Variants in ITFG1 observed in about 807,000 individuals in gnomAD.
ITFG1 encodes integrin alpha FG-GAP repeat containing 1, also known as T-cell immunomodulatory protein.
A neutral mutation model predicts 81.8 loss-of-function variants in ITFG1; 34 were observed. The ratio of observed to expected loss-of-function variants is 0.42; its 90% CI spans 0.32 to 0.55. The LOEUF (loss-of-function observed/expected upper bound fraction) is 0.55, where lower values mean the gene tolerates loss of function less well. Ranked by LOEUF, ITFG1 falls within the 20% of genes least tolerant of loss-of-function variation. ITFG1 has a pLI of 0.17. For synonymous variants in ITFG1, 285 were observed against 270.6 expected (o/e 1.05, Z -0.52); for missense variants, 672 against 755.4 (o/e 0.89, Z 1.29).
At chr16:47,461,130 C>A (rs1969538163), upstream of ITFG1, 1 of 1,311,244 alleles carries the variant, frequency 7.6e-7, no homozygotes, top group Non-Finnish European at 1.0e-6. Flanking sequence ...GAGAGAGTGG[C>A]GCGCAGCCCC....
chr16:47,188,760 T>TA (rs1440215679), intron 14 of ITFG1, among the ~76,000 whole-genome samples: 1 of 149,374 alleles, frequency 6.7e-6, no homozygotes, highest in Non-Finnish European at 1.5e-5. Flanking sequence ...CCCTAAAACT[T>TA]AAAGTATAAT....
intron 2 of ITFG1, among the ~76,000 whole-genome samples, chr16:47,457,923 T>C (rs538951957): frequency 6.6e-6 from 1 of 152,334 alleles, no homozygotes; most frequent in South Asian, 2.1e-4. Context: ...TGTTTATCCA[T>C]TTATAACTTT....
At chr16:47,234,233 A>C (rs1257580980) in intron 13 of ITFG1, among the ~76,000 whole-genome samples, 1 of 152,246 alleles carries the variant, frequency 6.6e-6, no homozygotes, top group Non-Finnish European at 1.5e-5. Flanking sequence ...TATGATTAAC[A>C]TGCTAAGGGT....
chr16:47,176,470 A>G (rs1322307474), intron 14 of ITFG1, among the ~76,000 whole-genome samples: 3 of 152,228 alleles, frequency 2.0e-5, no homozygotes, highest in African/African-American at 7.2e-5. Flanking sequence ...AAAGAAAAAT[A>G]TATTCACAGA....
chr16:47,210,689 T>C (rs534353523), intron 14 of ITFG1, among the ~76,000 whole-genome samples: 7 of 152,312 alleles, frequency 4.6e-5, no homozygotes, highest in Non-Finnish European at 7.4e-5. Flanking sequence ...TGAATTCCTT[T>C]TTGTAACTTT....
intron 6 of ITFG1, among the ~76,000 whole-genome samples, chr16:47,421,870 G>C (rs1317277337): frequency 6.6e-6 from 1 of 151,960 alleles, no homozygotes; most frequent in African/African-American, 2.4e-5. Context: ...GATGTTCCCC[G>C]CCCCCTGTCC....
At chr16:47,178,095 C>T (rs1965052721) in intron 14 of ITFG1, among the ~76,000 whole-genome samples, 1 of 152,202 alleles carries the variant, frequency 6.6e-6, no homozygotes, top group African/African-American at 2.4e-5. Context: ...AGTCACCTGA[C>T]ATTTAAGACA....
At chr16:47,366,369 T>C (rs989398788) in intron 7 of ITFG1, among the ~76,000 whole-genome samples, 1 of 152,148 alleles carries the variant, frequency 6.6e-6, no homozygotes, top group Non-Finnish European at 1.5e-5. Flanking sequence ...GAGAATTTCA[T>C]TGATCCTTAA....
Position 47,158,884 on chromosome 16 carries a change from A to G in ITFG1, c.1768T>C (p.Trp590Arg). 6.4e-7 allele frequency: 1 copy of G among 1,565,918 alleles called. No individual in the cohort carries two copies. The highest frequency in any genetic ancestry group is 1.1e-5 in the South Asian group (1 of 87,846). The change falls in exon 17 of 18, where the codon TGG becomes CGG. Residue 590 changes from tryptophan to arginine, a missense_variant. Physicochemically the swap from Trp to Arg is moderately radical, Grantham distance 101. This residue lies in a region of ITFG1 where 65 missense variants were observed against 103.3 expected (regional missense o/e 0.63). Coordinates refer to ENST00000320640, the MANE Select transcript of ITFG1 (RefSeq NM_030790.5). ...TTAAATGAACAAACCTTTTCCTGCC[A>G]ATGTAAAATGCCAATTATTGCCAAG... ...FILAIIGILH[W>R]QEKKADDREK...
intron 10 of ITFG1, chr16:47,263,546 T>C (rs144778149): frequency 3.3e-5 from 9 of 270,354 alleles, no homozygotes; most frequent in African/African-American, 1.1e-4. Context: ...GTGACTGTCA[T>C]TGGTAATATG....
At chr16:47,403,760 GTA>G (rs1491370211) in intron 6 of ITFG1, among the ~76,000 whole-genome samples, 1 of 100,234 alleles carries the variant, frequency 1.0e-5, no homozygotes, top group African/African-American at 4.1e-5. Context: ...ATCTCTCTTG[GTA>G]CACACACACA....
chr16:47,207,354 G>C (rs1160121013), intron 14 of ITFG1, among the ~76,000 whole-genome samples: 2 of 152,206 alleles, frequency 1.3e-5, no homozygotes, highest in African/African-American at 4.8e-5. Flanking sequence ...AAAGTGCTGG[G>C]ATTACAGGCG....
chr16:47,349,014 A>C (rs1967906013), intron 8 of ITFG1, among the ~76,000 whole-genome samples: 1 of 151,646 alleles, frequency 6.6e-6, no homozygotes, highest in African/African-American at 2.4e-5. Context: ...AAATGCTGAG[A>C]GATTTTGTCA....
chr16:47,460,857 A>G lies in ITFG1; in HGVS notation c.189T>C (p.Asp63=). ...FGDLNSDKQT[D]LFVLRERNDL... is the part of the protein sequence containing the mutation. ...ACTGACTTTCCCGCAGCACGAAGAG[A>G]TCCGTCTGCTTGTCGGAGTTGAGGT... is the stretch of plus-strand genomic sequence containing the variant. The change falls in exon 1 of 18, where the codon GAT becomes GAC. Residue 63 remains aspartate, a synonymous_variant. Transcript: ENST00000320640. 6.2e-7 allele frequency: 1 copy of G among 1,613,538 alleles called. No individual in the cohort carries two copies. The highest frequency in any genetic ancestry group is 1.1e-5 in the South Asian group (1 of 91,012).
intron 8 of ITFG1, among the ~76,000 whole-genome samples, chr16:47,332,071 C>A (rs910093106): frequency 6.6e-6 from 1 of 152,096 alleles, no homozygotes; most frequent in African/African-American, 2.4e-5. Flanking sequence ...ACCAGTGTTG[C>A]GGTTTTCTCA....
Position 47,372,882 on chromosome 16 carries a change from C to T in ITFG1, c.720+2994G>A, listed in dbSNP as rs148936672. Among the ~76,000 whole-genome samples the T allele has an allele frequency of 3.3e-5, 5 of 152,272 alleles. No homozygotes were observed. In the East Asian group the frequency reaches 9.6e-4, roughly 29 times the overall value. ...CTTCTTTAATCATTCATCTCTTTCC[C>T]AGGTTATTATAAATTCCTCCTAAAT... is the stretch of plus-strand genomic sequence containing the variant. On this transcript the variant is annotated intron_variant, in intron 7 of 17. Coordinates refer to ENST00000320640, the MANE Select transcript of ITFG1 (RefSeq NM_030790.5).
intron 6 of ITFG1, among the ~76,000 whole-genome samples, chr16:47,417,843 G>A (rs1027045058): frequency 6.6e-6 from 1 of 152,112 alleles, no homozygotes; most frequent in African/African-American, 2.4e-5. Flanking sequence ...AATCATGGGG[G>A]TACAGATATC....
chr16:47,422,331 C>T (rs968297475), intron 6 of ITFG1, among the ~76,000 whole-genome samples: 10 of 152,234 alleles, frequency 6.6e-5, no homozygotes, highest in African/African-American at 2.4e-5. Context: ...ACATCCTCTC[C>T]AGCATCTGTT....
chr16:47,287,377 C>G (rs1966873996), intron 10 of ITFG1, among the ~76,000 whole-genome samples: 1 of 152,120 alleles, frequency 6.6e-6, no homozygotes, highest in South Asian at 2.1e-4. Context: ...CCAAGCCCAG[C>G]TGCTGCAAGA....
Sources: gnomAD v4.1 joint callset for allele counts (sites outside exome capture counted in the v4.1 genomes callset) on GRCh38, gnomAD v4.1.1 for gene constraint, gnomAD v4.1.1 regional missense constraint, MANE v1.5 for transcripts, NCBI Gene and HGNC (gene_info 2026-07-23, HGNC 2026-07-21) for gene names.